The following APBB1IP variants were observed in gnomAD, a reference collection of about 807,000 sequenced individuals.
APBB1IP encodes amyloid beta precursor protein binding family B member 1 interacting protein.
Under a neutral mutation model 64.9 loss-of-function variants are expected in APBB1IP, and 27 were observed. The observed-to-expected ratio is 0.42, with a 90% CI of 0.31 to 0.57. APBB1IP has a LOEUF of 0.57. Among genes scored for constraint, APBB1IP ranks in the 20% least tolerant of loss-of-function variants. APBB1IP has a pLI of 0.20. For missense variants in APBB1IP, 812 were observed against 845.5 expected, an observed-to-expected ratio of 0.96 and a Z score of 0.49; for synonymous variants, 392 against 331.0, an observed-to-expected ratio of 1.18 and a Z score of -2.00.
At chr10:26,508,332 G>GT (rs1218137560) in intron 6 of APBB1IP, among the ~76,000 whole-genome samples, 6 of 150,334 alleles carry the variant, frequency 4.0e-5, no homozygotes, top group Admixed American at 3.3e-4. Flanking sequence ...TACTTTTATT[G>GT]TTTTTTTAAA....
chr10:26,497,682 C>T (rs879585408), intron 4 of APBB1IP, among the ~76,000 whole-genome samples: 16 of 148,184 alleles, frequency 1.1e-4, no homozygotes, highest in Non-Finnish European at 2.4e-4. Flanking sequence ...AGTTCAATTA[C>T]AGAAATCCAG....
intron 5 of APBB1IP, 87 bp downstream of exon 5, chr10:26,501,198 G>GATCT: frequency 6.4e-7 from 1 of 1,565,770 alleles, no homozygotes; most frequent in Admixed American, 1.7e-5. Flanking sequence ...ACATTCCTAA[G>GATCT]TTGGTACATC....
At chr10:26,494,210 C>T (rs902421800) in intron 3 of APBB1IP, among the ~76,000 whole-genome samples, 1 of 152,112 alleles carries the variant, frequency 6.6e-6, no homozygotes, top group African/African-American at 2.4e-5. Context: ...AGAAAAAAGC[C>T]CCTGGCATCA....
chr10:26,567,125 GC>G lies in APBB1IP; in HGVS notation c.1641del (p.Ala548ProfsTer108). 7.0e-7 allele frequency: 1 copy of G among 1,421,468 alleles called. No homozygotes were observed. The highest frequency in any genetic ancestry group is 1.4e-5 in the South Asian group (1 of 69,268). 88.1% of individuals were successfully genotyped at this position (1,421,468 alleles called of 1,614,324 possible). A position where few individuals can be genotyped will look rare whatever the true frequency, so the allele number is the denominator to read the frequency against. On this transcript the variant is annotated frameshift_variant, in exon 15 of 15. Transcript: ENST00000376236. LOFTEE classifies it low-confidence loss of function (END_TRUNC). ...KAKGTGGGGL[P>X]APPDDFLPPP... is the part of the protein sequence containing the mutation. ...CCAAGGGCACAGGCGGCGGGGGCTT[GC>G]CCGCCCCACCCGACGACTTCCTGCC...
chr10:26,554,515 TTCTTC>T (rs1836870777), intron 11 of APBB1IP, among the ~76,000 whole-genome samples: 1 of 152,214 alleles, frequency 6.6e-6, no homozygotes, highest in Non-Finnish European at 1.5e-5. Flanking sequence ...CTGTGTCTGT[TTCTTC>T]TCTTCTTATA....
intron 2 of APBB1IP, among the ~76,000 whole-genome samples, chr10:26,451,108 A>G (rs1835460833): frequency 6.6e-6 from 1 of 152,352 alleles, no homozygotes; most frequent in African/African-American, 2.4e-5. Flanking sequence ...TTCTAAGGAA[A>G]GAGCAATTAT....
At chr10:26,513,185 G>A (rs981530571) in intron 7 of APBB1IP, among the ~76,000 whole-genome samples, 1 of 152,162 alleles carries the variant, frequency 6.6e-6, no homozygotes, top group Non-Finnish European at 1.5e-5. Flanking sequence ...GGAGGGTGAG[G>A]CAGGAGGATT....
At chr10:26,464,520 C>T (rs1301265350) in intron 2 of APBB1IP, among the ~76,000 whole-genome samples, 1 of 152,140 alleles carries the variant, frequency 6.6e-6, no homozygotes, top group African/African-American at 2.4e-5. Flanking sequence ...CCCACCTCAA[C>T]CTGCTAAGTA....
At chr10:26,520,264 C>A (rs762628513) in intron 8 of APBB1IP, among the ~76,000 whole-genome samples, 19 of 152,168 alleles carry the variant, frequency 1.2e-4, no homozygotes, top group Admixed American at 2.0e-4. Context: ...CTTGGACTTT[C>A]CAACCTCCAG....
At chr10:26,516,004 G>GA (rs1836321650) in intron 8 of APBB1IP, among the ~76,000 whole-genome samples, 2 of 152,236 alleles carry the variant, frequency 1.3e-5, no homozygotes, top group South Asian at 4.1e-4. Flanking sequence ...GCCGAGGCAA[G>GA]ATGCTTCTAT....
At chr10:26,538,566 A>G (rs112383716) in intron 10 of APBB1IP, among the ~76,000 whole-genome samples, 49 of 150,756 alleles carry the variant, frequency 3.3e-4, no homozygotes, top group African/African-American at 1.1e-3. Context: ...GCTTGAACCC[A>G]GGAGGCGGAG....
intron 2 of APBB1IP, among the ~76,000 whole-genome samples, chr10:26,480,886 G>A (rs930999219): frequency 6.6e-6 from 1 of 152,028 alleles, no homozygotes; most frequent in Admixed American, 6.5e-5. Context: ...ACTATTCACA[G>A]GACTTTTGTT....
Position 26,496,404 on chromosome 10 carries a change from ATTTCT to A in APBB1IP, c.160+20_160+24del. The A allele has an allele frequency of 6.3e-7, 1 of 1,582,420 alleles. No homozygotes were observed. The highest frequency in any genetic ancestry group is 8.7e-7 in the Non-Finnish European group (1 of 1,153,090). Reference sequence around the variant, plus strand: ...AAAGATTTAAATGGTAAGCATAACAATTTCTTTTCTTAAGTAATTCAAAATCATAA... The same window carrying A: ...AAAGATTTAAATGGTAAGCATAACAATTTCTTAAGTAATTCAAAATCATAA... On this transcript the variant is annotated intron_variant, in intron 4 of 14. Coordinates refer to ENST00000376236, the MANE Select transcript of APBB1IP (RefSeq NM_019043.4).
intron 8 of APBB1IP, among the ~76,000 whole-genome samples, chr10:26,522,533 T>C (rs1836416012): frequency 3.9e-5 from 6 of 152,198 alleles, no homozygotes; most frequent in Admixed American, 3.9e-4. Flanking sequence ...TGTAATATAT[T>C]GATATGCTGA....
At chr10:26,466,388 A>G (rs1835648700) in intron 2 of APBB1IP, among the ~76,000 whole-genome samples, 1 of 152,246 alleles carries the variant, frequency 6.6e-6, no homozygotes, top group Non-Finnish European at 1.5e-5. Context: ...AGAAGTGTCA[A>G]AGAATAGGAG....
chr10:26,545,236 A>G (rs541214743), intron 11 of APBB1IP, among the ~76,000 whole-genome samples: 9 of 152,316 alleles, frequency 5.9e-5, no homozygotes, highest in Admixed American at 3.3e-4. Flanking sequence ...AAAAAATAAA[A>G]ACTCTTGCTA....
In APBB1IP at chr10:26,513,520, C is replaced by A. The variant is rs372476085; in HGVS notation, c.692-19C>A. 16 of 1,611,518 alleles carry A rather than the reference C, an allele frequency of 9.9e-6. No homozygotes were observed. The East Asian group carries it at 2.2e-4, about 22-fold the overall frequency. ...CTGATGTCTTGGGTCTGAAAGAATA[C>A]CTTTTCTTATTTCATCAGAGAGGTT... is the stretch of plus-strand genomic sequence containing the variant. On this transcript the variant is annotated intron_variant, in intron 7 of 14. Coordinates refer to ENST00000376236, the MANE Select transcript of APBB1IP (RefSeq NM_019043.4).
intron 8 of APBB1IP, among the ~76,000 whole-genome samples, chr10:26,526,052 C>A (rs1836469779): frequency 6.6e-6 from 1 of 152,166 alleles, no homozygotes; most frequent in African/African-American, 2.4e-5. Flanking sequence ...GTGAGAGGGA[C>A]CTTCCTGCTT....
intron 2 of APBB1IP, among the ~76,000 whole-genome samples, chr10:26,464,264 A>C (rs192677342): frequency 2.0e-5 from 3 of 152,358 alleles, no homozygotes; most frequent in Admixed American, 6.5e-5. Flanking sequence ...AGGAGACAGT[A>C]TATAGTCACC....
Sources: allele counts gnomAD v4.1 joint callset (sites outside exome capture counted in the v4.1 genomes callset), GRCh38; gene constraint gnomAD v4.1.1; transcripts MANE v1.5; gene names NCBI Gene and HGNC (gene_info 2026-07-23, HGNC 2026-07-21).